Variants in AK3 observed in about 807,000 individuals in gnomAD.
AK3 encodes the protein GTP:AMP phosphotransferase AK3, mitochondrial.
A neutral mutation model predicts 23.7 loss-of-function variants in AK3; 27 were observed. The observed-to-expected ratio is 1.14, with a 90% CI of 0.84 to 1.57. The LOEUF is 1.57. AK3 is among the 40% of genes most tolerant of loss of function. The probability of loss-of-function intolerance (pLI) is 0.00; values close to 1 mark genes in which losing one functional copy is unlikely to be tolerated. For synonymous variants in AK3, 159 were observed against 116.0 expected (o/e 1.37, Z -2.38); for missense variants, 406 against 285.6 (o/e 1.42, Z -3.04).
At chr9:4,730,730 A>C (rs1842133733) in intron 1 of AK3, among the ~76,000 whole-genome samples, 1 of 152,230 alleles carries the variant, frequency 6.6e-6, no homozygotes, top group Admixed American at 6.5e-5. Flanking sequence ...TGTATGATTT[A>C]ATTAGAACAA....
intron 1 of AK3, among the ~76,000 whole-genome samples, chr9:4,733,468 T>C (rs1048970388): frequency 6.6e-6 from 1 of 152,212 alleles, no homozygotes; most frequent in Non-Finnish European, 1.5e-5. Flanking sequence ...GATGGGTAAA[T>C]CATGTTCATT....
At chr9:4,736,922 C>G (rs964260978) in intron 1 of AK3, among the ~76,000 whole-genome samples, 16 of 152,162 alleles carry the variant, frequency 1.1e-4, no homozygotes, top group African/African-American at 3.9e-4. Flanking sequence ...AAATGACCCT[C>G]CAGCCTTGGC....
At chr9:4,740,037 G>A (rs1035119967) in intron 1 of AK3, among the ~76,000 whole-genome samples, 3 of 133,008 alleles carry the variant, frequency 2.3e-5, no homozygotes, top group African/African-American at 5.7e-5. Context: ...TGCTATGCAC[G>A]TCTATCCTGT....
At chr9:4,721,882 C>A (rs1587644187) in intron 2 of AK3, among the ~76,000 whole-genome samples, 1 of 152,208 alleles carries the variant, frequency 6.6e-6, no homozygotes, top group Non-Finnish European at 1.5e-5. Context: ...TCAGAACCTT[C>A]TTAGATAAAG....
intron 1 of AK3, among the ~76,000 whole-genome samples, chr9:4,727,143 A>G (rs1446030897): frequency 1.3e-5 from 2 of 152,190 alleles, no homozygotes; most frequent in African/African-American, 4.8e-5. Flanking sequence ...GTAGATTTAG[A>G]TAATTCTCAA....
chr9:4,720,573 C>T (rs989885619), intron 2 of AK3, among the ~76,000 whole-genome samples: 1 of 151,608 alleles, frequency 6.6e-6, no homozygotes, highest in Non-Finnish European at 1.5e-5. Flanking sequence ...GCCTATGGTC[C>T]CAGCTACTCA....
chr9:4,710,432 G>C lies in AK3; in HGVS notation c.*2544C>G, dbSNP rs1228602620. 8.8e-6 allele frequency: 1 copy of C among 114,038 alleles called. No homozygotes were observed. The highest frequency in any genetic ancestry group is 2.2e-5 in the Non-Finnish European group (1 of 46,504). The allele number at this position is 114,038 out of a possible 1,614,324, so 7.1% of individuals were successfully genotyped here. On this transcript the variant is annotated 3_prime_UTR_variant, in exon 5 of 5. Coordinates refer to ENST00000381809, the MANE Select transcript of AK3 (RefSeq NM_016282.4). ...GACGGGGTTTCACCGTGTTAGCCAGGATGGTCTCGATCTCCTGACCTCGTG... is the reference window on the plus strand; with the variant it reads ...GACGGGGTTTCACCGTGTTAGCCAGCATGGTCTCGATCTCCTGACCTCGTG...
rs1202220752 is a variant in AK3 at position 4,710,745 on chromosome 9, C to G, written c.*2231G>C. The G allele has an allele frequency of 6.8e-6, 1 of 147,576 alleles. No homozygotes were observed. The highest frequency in any genetic ancestry group is 1.5e-5 in the Non-Finnish European group (1 of 65,508). 9.1% of individuals were successfully genotyped at this position (147,576 alleles called of 1,614,324 possible). On this transcript the variant is annotated 3_prime_UTR_variant, in exon 5 of 5. Coordinates refer to ENST00000381809, the MANE Select transcript of AK3 (RefSeq NM_016282.4). ...TGGGCAACATATCGAGACGCCGTCT[C>G]TACAAAAAAATAAAATTAGCCAGGC...
upstream of AK3, chr9:4,741,268 C>CG: frequency 3.5e-6 from 2 of 564,010 alleles, no homozygotes; most frequent in Non-Finnish European, 5.4e-6. Flanking sequence ...GCGCGGGACC[C>CG]CGCTGTTGCG....
intron 4 of AK3, 26 bp from the exon 5 acceptor site, chr9:4,713,122 A>C (rs1470277751): frequency 3.7e-6 from 6 of 1,611,958 alleles, no homozygotes; most frequent in South Asian, 1.1e-5. Context: ...AAACAAAACA[A>C]ACACACACAG....
intron 1 of AK3, among the ~76,000 whole-genome samples, chr9:4,729,015 A>ATTTTTTTTTTTTT (rs375640249): frequency 7.7e-6 from 1 of 129,450 alleles, no homozygotes; most frequent in African/African-American, 2.9e-5. Flanking sequence ...ATATATATAT[A>ATTTTTTTTTTTTT]TTTTTTTTTT....
chr9:4,735,836 C>T (rs1842278886), intron 1 of AK3, among the ~76,000 whole-genome samples: 1 of 151,486 alleles, frequency 6.6e-6, no homozygotes, highest in African/African-American at 2.4e-5. Flanking sequence ...TGATGAAGGC[C>T]AGGTGCAGTA....
At chr9:4,730,895 T>C (rs1000346634) in intron 1 of AK3, among the ~76,000 whole-genome samples, 1 of 152,162 alleles carries the variant, frequency 6.6e-6, no homozygotes, top group African/African-American at 2.4e-5. Context: ...ATTGCAGTAC[T>C]GAATGGAAGT....
At chr9:4,733,208 A>G (rs533830904) in intron 1 of AK3, among the ~76,000 whole-genome samples, 2 of 152,324 alleles carry the variant, frequency 1.3e-5, no homozygotes, top group African/African-American at 4.8e-5. Flanking sequence ...AGCTCCTGCC[A>G]AAATGCTTTT....
chr9:4,728,026 G>A (rs1483404520), intron 1 of AK3, among the ~76,000 whole-genome samples: 1 of 151,992 alleles, frequency 6.6e-6, no homozygotes, highest in East Asian at 1.9e-4. Flanking sequence ...TATAGTTCAT[G>A]GCACCCCAAA....
At chr9:4,722,693 G>T (rs758783814) in intron 1 of AK3, 68 bp from the exon 2 acceptor site, 2 of 1,599,064 alleles carry the variant, frequency 1.3e-6, no homozygotes, top group South Asian at 1.1e-5. Context: ...ACCTCGGAAC[G>T]AGTTGCCTAA....
Position 4,710,954 on chromosome 9 carries a change from A to C in AK3, c.*2022T>G, listed in dbSNP as rs2130862672. The stretch of plus-strand genomic sequence containing the variant: ...TGTATTACAGTCATATTCATTCCTA[A>C]AGTAATGAATGTATGTGCAAAACTT... On this transcript the variant is annotated 3_prime_UTR_variant, in exon 5 of 5. Coordinates refer to ENST00000381809, the MANE Select transcript of AK3 (RefSeq NM_016282.4). 1 of 152,280 alleles carries C rather than the reference A, an allele frequency of 6.6e-6. No homozygotes were observed. Among genetic ancestry groups the C allele is most frequent in the East Asian group, 1.9e-4 (1 of 5,180 alleles). The allele number at this position is 152,280 out of a possible 1,614,324, so 9.4% of individuals were successfully genotyped here. A position where few individuals can be genotyped will look rare whatever the true frequency, so the allele number is the denominator to read the frequency against.
chr9:4,740,806 C>A, intron 1 of AK3, 131 bp downstream of exon 1: 1 of 1,182,492 alleles, frequency 8.5e-7, no homozygotes, highest in South Asian at 1.9e-5. Flanking sequence ...AGCCCGAGGT[C>A]TCTGTCCCGG....
chr9:4,714,631 C>T (rs1841671198), intron 4 of AK3, among the ~76,000 whole-genome samples: 1 of 152,148 alleles, frequency 6.6e-6, no homozygotes, highest in Non-Finnish European at 1.5e-5. Flanking sequence ...CAATTGCAGG[C>T]ACCTATTCGA....
Sources: gnomAD v4.1 joint callset for allele counts (sites outside exome capture counted in the v4.1 genomes callset) on GRCh38, gnomAD v4.1.1 for gene constraint, MANE v1.5 for transcripts, NCBI Gene and HGNC (gene_info 2026-07-23, HGNC 2026-07-21) for gene names.